Variants in TAFA5 observed in about 807,000 individuals in gnomAD.
The protein encoded by TAFA5 is TAFA chemokine like family member 5, also known as chemokine-like protein TAFA-5.
TAFA5 carries 6 observed loss-of-function variants against 15.3 expected under a neutral mutation model. The ratio of observed to expected loss-of-function variants is 0.39; its 90% CI spans 0.21 to 0.77. The LOEUF is 0.77. Ranked by LOEUF, TAFA5 falls within the 30% of genes least tolerant of loss-of-function variation. The pLI, the probability that TAFA5 is intolerant of heterozygous loss-of-function variation, is 0.41. For synonymous variants in TAFA5, 103 were observed against 80.7 expected (o/e 1.28, Z -1.48); for missense variants, 161 against 193.1 (o/e 0.83, Z 0.98).
intron 1 of TAFA5, among the ~76,000 whole-genome samples, chr22:48,533,987 A>T (rs916795267): frequency 2.0e-5 from 3 of 152,176 alleles, no homozygotes; most frequent in Admixed American, 6.5e-5. Context: ...AGGACCCCTT[A>T]GCATCTGCAT....
At chr22:48,589,190 T>C (rs897150387) in intron 1 of TAFA5, among the ~76,000 whole-genome samples, 21 of 152,256 alleles carry the variant, frequency 1.4e-4, no homozygotes, top group African/African-American at 5.1e-4. Flanking sequence ...CAGTTTGGCA[T>C]GCACGTATTG....
In TAFA5 at chr22:48,566,676, G is replaced by T. The variant is rs922634811; in HGVS notation, c.112+76972G>T. Reference sequence around the variant, plus strand: ...CCTTAGTTTCCTCAGCAATACGTTGGGGGGTGGGGTGGAATCTTTGCCTAA... The same window carrying T: ...CCTTAGTTTCCTCAGCAATACGTTGTGGGGTGGGGTGGAATCTTTGCCTAA... On this transcript the variant is annotated intron_variant, in intron 1 of 3. Transcript: ENST00000402357. The surrounding 1 kb of genome is among the most constrained non-coding windows in gnomAD (Gnocchi z 4.5). Among the ~76,000 whole-genome samples the T allele has an allele frequency of 6.6e-6, 1 of 152,190 alleles. No individual in the cohort carries two copies. The highest frequency in any genetic ancestry group is 6.5e-5 in the Admixed American group (1 of 15,292).
intron 1 of TAFA5, among the ~76,000 whole-genome samples, chr22:48,577,390 G>T (rs1440258455): frequency 6.6e-6 from 1 of 152,152 alleles, no homozygotes; most frequent in African/African-American, 2.4e-5. Flanking sequence ...GGTGCACCCC[G>T]GGATCAGCCT....
intron 1 of TAFA5, among the ~76,000 whole-genome samples, chr22:48,507,312 C>CATCAAG (rs1921034703): frequency 1.4e-5 from 2 of 147,114 alleles, no homozygotes; most frequent in African/African-American, 2.6e-5. Context: ...GAGGAGTGGC[C>CATCAAG]GGCCGGTCAG....
At position 48,566,726 on chromosome 22, in the gene TAFA5, T is replaced by C. The variant is rs185716361; in HGVS notation, c.112+77022T>C. Among the ~76,000 whole-genome samples, 2 of 151,910 alleles carry C rather than the reference T, an allele frequency of 1.3e-5. No homozygotes were observed. The highest frequency in any genetic ancestry group is 3.9e-4 in the East Asian group (2 of 5,172). On this transcript the variant is annotated intron_variant, in intron 1 of 3. Coordinates refer to ENST00000402357, the MANE Select transcript of TAFA5 (RefSeq NM_001082967.3). The surrounding 1 kb of genome is among the most constrained non-coding windows in gnomAD (Gnocchi z 4.5). ...AGAAGGTTGTGAGAACTAAACGGGG[T>C]GAGGTGTGTAAAGGGTGTGGCCTGT...
intron 1 of TAFA5, among the ~76,000 whole-genome samples, chr22:48,617,181 C>T (rs1199133977): frequency 2.0e-5 from 3 of 149,302 alleles, no homozygotes; most frequent in African/African-American, 2.4e-5. Context: ...GAGATGGGGG[C>T]GTGACTGCGG....
intron 1 of TAFA5, among the ~76,000 whole-genome samples, chr22:48,543,090 T>C (rs1922520343): frequency 6.6e-6 from 1 of 151,604 alleles, no homozygotes; most frequent in Non-Finnish European, 1.5e-5. Flanking sequence ...GGGAGAGTGG[T>C]CTGGGGTCTG....
chr22:48,523,799 C>G (rs1282101969), intron 1 of TAFA5, among the ~76,000 whole-genome samples: 1 of 152,212 alleles, frequency 6.6e-6, no homozygotes, highest in Non-Finnish European at 1.5e-5. Flanking sequence ...ATAGGCCAGG[C>G]AGACACAAGG....
intron 3 of TAFA5, among the ~76,000 whole-genome samples, chr22:48,730,878 CT>C (rs1929850987): frequency 6.6e-6 from 1 of 152,104 alleles, no homozygotes; most frequent in African/African-American, 2.4e-5. Flanking sequence ...CTACAGTGGC[CT>C]CTAAGTGTTC....
At chr22:48,733,619 A>G (rs1171614319) in intron 3 of TAFA5, among the ~76,000 whole-genome samples, 2 of 152,196 alleles carry the variant, frequency 1.3e-5, no homozygotes, top group South Asian at 2.1e-4. Flanking sequence ...TTGGAAACTA[A>G]TAAGATTTCA....
chr22:48,564,950 A>G (rs1923360968), intron 1 of TAFA5, among the ~76,000 whole-genome samples: 1 of 152,206 alleles, frequency 6.6e-6, no homozygotes, highest in Non-Finnish European at 1.5e-5. Flanking sequence ...GGAGAGTTGT[A>G]AGCTGGCATC....
At chr22:48,672,398 C>G (rs535802156) in intron 2 of TAFA5, among the ~76,000 whole-genome samples, 7 of 152,264 alleles carry the variant, frequency 4.6e-5, no homozygotes, top group African/African-American at 1.7e-4. Flanking sequence ...TCTTTTATTG[C>G]CCTAAGGAAA....
chr22:48,739,922 T>G (rs1930132686), intron 3 of TAFA5, among the ~76,000 whole-genome samples: 1 of 152,150 alleles, frequency 6.6e-6, no homozygotes, highest in African/African-American at 2.4e-5. Context: ...GTCAGGACGT[T>G]GAGTCAGCAG....
chr22:48,576,261 C>CCCCG, intron 1 of TAFA5: 1 of 653,694 alleles, frequency 1.5e-6, no homozygotes, highest in Non-Finnish European at 2.1e-6. Flanking sequence ...CCGCCCCCTC[C>CCCCG]GCGGCGCCCC....
intron 1 of TAFA5, among the ~76,000 whole-genome samples, chr22:48,493,405 A>G (rs1032297488): frequency 6.6e-6 from 1 of 152,202 alleles, no homozygotes; most frequent in African/African-American, 2.4e-5. Context: ...ATTGTTTTGA[A>G]TCCATTAGAA....
intron 1 of TAFA5, among the ~76,000 whole-genome samples, chr22:48,565,532 C>T (rs1200433782): frequency 2.0e-5 from 3 of 152,238 alleles, no homozygotes; most frequent in African/African-American, 7.2e-5. Context: ...TGGCTGGTGC[C>T]AGCCTTGGGC....
intron 2 of TAFA5, among the ~76,000 whole-genome samples, chr22:48,681,256 A>G (rs564338793): frequency 1.6e-4 from 25 of 152,244 alleles, no homozygotes; most frequent in African/African-American, 4.3e-4. Flanking sequence ...TTTCCCCCCA[A>G]TTAGGAGAAG....
At chr22:48,658,061 A>C (rs1180122047) in intron 2 of TAFA5, among the ~76,000 whole-genome samples, 1 of 152,214 alleles carries the variant, frequency 6.6e-6, no homozygotes, top group Non-Finnish European at 1.5e-5. Flanking sequence ...CAGGAAGCCG[A>C]GAGCTGAGGG....
chr22:48,703,227 G>A (rs1928971675), intron 2 of TAFA5, among the ~76,000 whole-genome samples: 1 of 152,078 alleles, frequency 6.6e-6, no homozygotes, highest in Non-Finnish European at 1.5e-5. Context: ...GTACGTGTGT[G>A]TGTTGTGTAC....
Sources: gnomAD v4.1 joint callset for allele counts (sites outside exome capture counted in the v4.1 genomes callset) on GRCh38, gnomAD v4.1.1 for gene constraint, Gnocchi (gnomAD v3.1) non-coding constraint, MANE v1.5 for transcripts, NCBI Gene and HGNC (gene_info 2026-07-23, HGNC 2026-07-21) for gene names.